CCSER1: variants seen among roughly 807,000 people sequenced by gnomAD.
CCSER1 encodes the protein coiled-coil serine rich protein 1, also known as serine-rich coiled-coil domain-containing protein 1.
Under a neutral mutation model 82.0 loss-of-function variants are expected in CCSER1, and 41 were observed. The observed-to-expected ratio is 0.50, with a 90% CI of 0.39 to 0.65. The LOEUF is 0.65. Among genes scored for constraint, CCSER1 ranks in the 30% least tolerant of loss-of-function variants. The pLI, the probability that CCSER1 is intolerant of heterozygous loss-of-function variation, is 0.00. For missense variants in CCSER1, 1,119 were observed against 1,064.2 expected (o/e 1.05, Z -0.72); for synonymous variants, 414 against 383.9 (o/e 1.08, Z -0.92).
chr4:91,493,170 T>C (rs1202217040), intron 10 of CCSER1, among the ~76,000 whole-genome samples: 1 of 150,774 alleles, frequency 6.6e-6, no homozygotes, highest in East Asian at 1.9e-4. Flanking sequence ...GTCATTTTAT[T>C]CATCTTAACA....
At chr4:90,930,144 C>G (rs1729552541) in intron 9 of CCSER1, among the ~76,000 whole-genome samples, 1 of 152,110 alleles carries the variant, frequency 6.6e-6, no homozygotes, top group African/African-American at 2.4e-5. Flanking sequence ...AAGAAAAATA[C>G]ATATTTGTTG....
chr4:90,517,642 G>A (rs1036327362), intron 5 of CCSER1, among the ~76,000 whole-genome samples: 1 of 152,126 alleles, frequency 6.6e-6, no homozygotes, highest in South Asian at 2.1e-4. Flanking sequence ...TAGATTTAAA[G>A]TTATGTAATC....
intron 10 of CCSER1, among the ~76,000 whole-genome samples, chr4:91,365,426 A>AT (rs1749545548): frequency 6.6e-6 from 1 of 152,120 alleles, no homozygotes; most frequent in South Asian, 2.1e-4. Context: ...TACATTTTGT[A>AT]TTTTTTAGAG....
At chr4:90,603,405 G>T (rs1010238244) in intron 5 of CCSER1, among the ~76,000 whole-genome samples, 3 of 152,194 alleles carry the variant, frequency 2.0e-5, no homozygotes, top group African/African-American at 7.2e-5. Flanking sequence ...CCTCAGCCCT[G>T]CCAGAGAATA....
At chr4:90,218,501 A>T (rs1202098549) in intron 1 of CCSER1, among the ~76,000 whole-genome samples, 2 of 152,212 alleles carry the variant, frequency 1.3e-5, no homozygotes, top group East Asian at 1.9e-4. Context: ...CTGCTAATTT[A>T]AAAAAGTTGT....
At chr4:90,597,132 T>G (rs940404416) in intron 5 of CCSER1, among the ~76,000 whole-genome samples, 1 of 152,018 alleles carries the variant, frequency 6.6e-6, no homozygotes, top group African/African-American at 2.4e-5. Context: ...GATGGTTTGC[T>G]TATCAAGTAA....
chr4:90,471,699 G>A (rs1401746942), intron 5 of CCSER1, among the ~76,000 whole-genome samples: 2 of 151,868 alleles, frequency 1.3e-5, no homozygotes, highest in Non-Finnish European at 2.9e-5. Flanking sequence ...GATAGGGCTG[G>A]ACGTGGTGAC....
chr4:90,747,533 G>A (rs1433052122), intron 7 of CCSER1, among the ~76,000 whole-genome samples: 1 of 152,040 alleles, frequency 6.6e-6, no homozygotes, highest in Middle Eastern at 3.2e-3. Flanking sequence ...GGAATTTTCA[G>A]TGTTTAGTAT....
chr4:90,366,892 C>T (rs532821045), intron 3 of CCSER1, among the ~76,000 whole-genome samples: 11 of 151,712 alleles, frequency 7.3e-5, no homozygotes, highest in East Asian at 3.9e-4. Flanking sequence ...TCCCTTAGTA[C>T]GAAATTTAAT....
chr4:91,502,586 T>G (rs115755184), intron 10 of CCSER1, among the ~76,000 whole-genome samples: 2,612 of 152,296 alleles, frequency 0.017, 30 homozygotes, highest in Middle Eastern at 0.048. Flanking sequence ...GTTGAAGCAC[T>G]AAAAGACCTC....
Position 90,309,172 on chromosome 4 carries a change from G to T in CCSER1, c.888G>T (p.Met296Ile). 2 of 1,613,916 alleles carry T rather than the reference G, an allele frequency of 1.2e-6. No individual in the cohort carries two copies. The highest frequency in any genetic ancestry group is 1.7e-6 in the Non-Finnish European group (2 of 1,179,838). ...GCCACAATGATTCTACCTCTCAGATGTCCCTCAATTCTGCTGCTGTTACAA... is the reference window on the plus strand; with the variant it reads ...GCCACAATGATTCTACCTCTCAGATTTCCCTCAATTCTGCTGCTGTTACAA... Reference protein sequence around the residue: ...NFGHNDSTSQMSLNSAAVTKT... With the variant: ...NFGHNDSTSQISLNSAAVTKT... Residue 296 changes from methionine to isoleucine, a missense_variant, in exon 2 of 11, where the codon ATG becomes ATT. Coordinates refer to ENST00000509176, the MANE Select transcript of CCSER1 (RefSeq NM_001145065.2).
chr4:90,802,271 T>C (rs1308492586), intron 7 of CCSER1, among the ~76,000 whole-genome samples: 1 of 147,896 alleles, frequency 6.8e-6, no homozygotes, highest in African/African-American at 2.5e-5. Context: ...ATAATATATA[T>C]TATATGTAAA....
intron 10 of CCSER1, among the ~76,000 whole-genome samples, chr4:91,222,084 A>G (rs1298635700): frequency 6.6e-6 from 1 of 151,844 alleles, no homozygotes; most frequent in Non-Finnish European, 1.5e-5. Flanking sequence ...TGTTATCTCC[A>G]TCACATATAC....
intron 9 of CCSER1, among the ~76,000 whole-genome samples, chr4:91,045,489 G>A (rs1198003037): frequency 6.6e-6 from 1 of 150,838 alleles, no homozygotes; most frequent in African/African-American, 2.4e-5. Context: ...ACAATAACTA[G>A]TGTTTATTCA....
At position 91,011,970 on chromosome 4, in the gene CCSER1, C is replaced by T. The variant is rs1056732256; in HGVS notation, c.2173-73980C>T. 1.5e-5 allele frequency among the ~76,000 whole-genome samples: 2 copies of T among 134,724 alleles called. 1 individual carries two copies. Among genetic ancestry groups the T allele is most frequent in the Non-Finnish European group, 3.5e-5 (2 of 57,800 alleles). 88.4% of individuals were successfully genotyped at this position (134,724 alleles called of 152,430 possible). ...AGACTCTAGGGAGATAATACAGCTC[C>T]AGGGAAGCTAAGTACTAGAATTGTT... On this transcript the variant is annotated intron_variant, in intron 9 of 10. Coordinates refer to ENST00000509176, the MANE Select transcript of CCSER1 (RefSeq NM_001145065.2).
chr4:90,897,417 A>T (rs1206674040), intron 8 of CCSER1, among the ~76,000 whole-genome samples: 1 of 152,000 alleles, frequency 6.6e-6, no homozygotes, highest in African/African-American at 2.4e-5. Context: ...GAGTTACTTC[A>T]CTTAGGATAA....
At chr4:90,739,732 G>C (rs1369789401) in intron 7 of CCSER1, among the ~76,000 whole-genome samples, 2 of 152,138 alleles carry the variant, frequency 1.3e-5, no homozygotes, top group East Asian at 3.9e-4. Flanking sequence ...TTTCCACTGT[G>C]ACCAGGCAGC....
intron 10 of CCSER1, among the ~76,000 whole-genome samples, chr4:91,561,641 T>C (rs1428128550): frequency 6.6e-6 from 1 of 151,532 alleles, no homozygotes; most frequent in African/African-American, 2.4e-5. Context: ...TTGATCTTGT[T>C]CACAGTTACA....
chr4:91,561,851 C>T (rs933203968), intron 10 of CCSER1, among the ~76,000 whole-genome samples: 2 of 151,338 alleles, frequency 1.3e-5, no homozygotes, highest in African/African-American at 4.8e-5. Flanking sequence ...CTCTTATGAA[C>T]ATATAATTCT....
Sources: allele counts gnomAD v4.1 joint callset (sites outside exome capture counted in the v4.1 genomes callset), GRCh38; gene constraint gnomAD v4.1.1; transcripts MANE v1.5; gene names NCBI Gene and HGNC (gene_info 2026-07-23, HGNC 2026-07-21).